ZNF385D: variants seen among roughly 807,000 people sequenced by gnomAD.
The protein encoded by ZNF385D is zinc finger protein 659.
ZNF385D carries 15 observed loss-of-function variants against 35.8 expected under a neutral mutation model. The observed-to-expected ratio is 0.42, with a 90% CI of 0.28 to 0.64. The LOEUF is 0.64. Among genes scored for constraint, ZNF385D ranks in the 30% least tolerant of loss-of-function variants. The pLI is 0.23. For missense variants in ZNF385D, 474 were observed against 494.6 expected, an observed-to-expected ratio of 0.96 and a Z score of 0.39; for synonymous variants, 212 against 186.8, an observed-to-expected ratio of 1.13 and a Z score of -1.10.
At chr3:21,870,041 AT>A (rs1413683504) in intron 3 of ZNF385D, among the ~76,000 whole-genome samples, 3 of 152,088 alleles carry the variant, frequency 2.0e-5, no homozygotes, top group African/African-American at 7.2e-5. Flanking sequence ...AATCTGCAAA[AT>A]CCTCATTCTC....
intron 2 of ZNF385D, among the ~76,000 whole-genome samples, chr3:22,227,569 G>C (rs1057238391): frequency 1.3e-5 from 2 of 152,070 alleles, no homozygotes; most frequent in African/African-American, 4.8e-5. Flanking sequence ...CCTAAAGTGA[G>C]GTAGGATGCA....
At chr3:21,742,253 C>T (rs2069550767) in intron 1 of ZNF385D, among the ~76,000 whole-genome samples, 1 of 152,160 alleles carries the variant, frequency 6.6e-6, no homozygotes, top group South Asian at 2.1e-4. Flanking sequence ...GCCGTGCTAC[C>T]AGAAAGTGAC....
intron 3 of ZNF385D, among the ~76,000 whole-genome samples, chr3:21,822,253 T>C (rs1261856532): frequency 3.3e-5 from 5 of 152,010 alleles, no homozygotes; most frequent in East Asian, 2.0e-4. Flanking sequence ...TTTGTATTTA[T>C]AGTAGAGGCG....
Position 22,041,910 on chromosome 3 carries a change from C to T in ZNF385D, c.325+126907G>A, listed in dbSNP as rs148462271. On this transcript the variant is annotated intron_variant, in intron 3 of 5. Coordinates refer to the ZNF385D transcript ENST00000494108. ...TGTTCTAATATTGAAGAAAGAATTT[C>T]ATAGGGAAAGAAAAGTAGATTTATA... Among the ~76,000 whole-genome samples the T allele has an allele frequency of 1.7e-3, 255 of 152,070 alleles. 1 individual carries two copies. The highest frequency in any genetic ancestry group is 5.9e-3 in the African/African-American group (244 of 41,498).
At chr3:22,221,302 A>C (rs1698240436) in intron 2 of ZNF385D, among the ~76,000 whole-genome samples, 1 of 152,176 alleles carries the variant, frequency 6.6e-6, no homozygotes, top group Non-Finnish European at 1.5e-5. Flanking sequence ...TTTCTTATGT[A>C]AGAAAACTTG....
intron 3 of ZNF385D, among the ~76,000 whole-genome samples, chr3:22,092,792 T>C (rs548386099): frequency 1.3e-5 from 2 of 152,296 alleles, no homozygotes; most frequent in African/African-American, 4.8e-5. Context: ...CTGACTGATA[T>C]ACCTCTTACA....
chr3:21,782,967 GCTAA>G (rs962094463), intron 3 of ZNF385D, among the ~76,000 whole-genome samples: 3 of 152,052 alleles, frequency 2.0e-5, no homozygotes, highest in Non-Finnish European at 2.9e-5. Flanking sequence ...ACTCGAAGAA[GCTAA>G]CTATTAACTA....
intron 2 of ZNF385D, among the ~76,000 whole-genome samples, chr3:21,632,272 A>G (rs1031197835): frequency 6.6e-6 from 1 of 152,150 alleles, no homozygotes; most frequent in African/African-American, 2.4e-5. Context: ...TAAGCATCAT[A>G]TAGAAAAATA....
intron 1 of ZNF385D, among the ~76,000 whole-genome samples, chr3:21,736,786 C>T (rs2069263954): frequency 6.6e-6 from 1 of 152,160 alleles, no homozygotes; most frequent in African/African-American, 2.4e-5. Flanking sequence ...AATCCATGCT[C>T]TAAGAGGTCT....
chr3:21,501,453 TG>T (rs1374795872), intron 4 of ZNF385D, among the ~76,000 whole-genome samples: 1 of 152,234 alleles, frequency 6.6e-6, no homozygotes, highest in Non-Finnish European at 1.5e-5. Flanking sequence ...TGTCTGAGTT[TG>T]GGTTTTGTTT....
At chr3:21,834,088 GAAA>G (rs1353960630) in intron 3 of ZNF385D, among the ~76,000 whole-genome samples, 1 of 151,830 alleles carries the variant, frequency 6.6e-6, no homozygotes, top group Non-Finnish European at 1.5e-5. Context: ...TGGACAATAA[GAAA>G]AAAAGGGAAT....
At chr3:21,605,497 A>G (rs1038750158) in intron 2 of ZNF385D, among the ~76,000 whole-genome samples, 1 of 150,922 alleles carries the variant, frequency 6.6e-6, no homozygotes, top group Admixed American at 6.6e-5. Context: ...TATAGGAGAC[A>G]GGCCAAGCAA....
At chr3:21,967,609 G>C (rs1254466593) in intron 3 of ZNF385D, among the ~76,000 whole-genome samples, 1 of 152,142 alleles carries the variant, frequency 6.6e-6, no homozygotes, top group East Asian at 1.9e-4. Flanking sequence ...GTCATTTACT[G>C]ATTTTTGACA....
At chr3:21,601,669 A>G (rs2064294409) in intron 2 of ZNF385D, among the ~76,000 whole-genome samples, 1 of 152,198 alleles carries the variant, frequency 6.6e-6, no homozygotes, top group Non-Finnish European at 1.5e-5. Context: ...TGATCACCAC[A>G]CTTCTCTTGC....
intron 3 of ZNF385D, among the ~76,000 whole-genome samples, chr3:21,766,651 T>C (rs553075294): frequency 6.6e-6 from 1 of 152,212 alleles, no homozygotes; most frequent in Non-Finnish European, 1.5e-5. Context: ...ATGGAAGCAG[T>C]TATGGCATGG....
chr3:21,569,738 A>G (rs1436019678), intron 2 of ZNF385D, among the ~76,000 whole-genome samples: 2 of 151,838 alleles, frequency 1.3e-5, no homozygotes, highest in East Asian at 3.9e-4. Flanking sequence ...ATAAAAAATG[A>G]TGAGTTCATG....
At chr3:21,960,784 C>T (rs1408484689) in intron 3 of ZNF385D, among the ~76,000 whole-genome samples, 1 of 152,114 alleles carries the variant, frequency 6.6e-6, no homozygotes, top group African/African-American at 2.4e-5. Flanking sequence ...CTATCATTCA[C>T]AGCATCCTGA....
At chr3:21,632,659 A>C (rs1223676962) in intron 2 of ZNF385D, among the ~76,000 whole-genome samples, 1 of 152,120 alleles carries the variant, frequency 6.6e-6, no homozygotes, top group African/African-American at 2.4e-5. Context: ...AATGAAGGAA[A>C]CCAAAGAAAC....
chr3:21,468,735 C>A (rs1219880708), intron 4 of ZNF385D, among the ~76,000 whole-genome samples: 1 of 151,992 alleles, frequency 6.6e-6, no homozygotes, highest in Non-Finnish European at 1.5e-5. Context: ...ACCATCCTGG[C>A]CAACATGGTG....
Sources: allele counts gnomAD v4.1 joint callset (sites outside exome capture counted in the v4.1 genomes callset), GRCh38; gene constraint gnomAD v4.1.1; transcripts MANE v1.5; gene names NCBI Gene and HGNC (gene_info 2026-07-23, HGNC 2026-07-21).